BAZ1A: variants seen among roughly 807,000 people sequenced by gnomAD.
BAZ1A encodes the protein bromodomain adjacent to zinc finger domain 1A.
A neutral mutation model predicts 185.2 loss-of-function variants in BAZ1A; 50 were observed. The ratio of observed to expected loss-of-function variants is 0.27; its 90% confidence interval spans 0.22 to 0.34. The LOEUF is 0.34. BAZ1A is among the 10% of genes least tolerant of loss of function. BAZ1A has a pLI of 1.00. For missense variants in BAZ1A, 1,356 were observed against 1,839.9 expected, an observed-to-expected ratio of 0.74 and a Z score of 4.81; for synonymous variants, 571 against 615.6, an observed-to-expected ratio of 0.93 and a Z score of 1.07.
At chr14:34,856,201 C>T (rs2042674144) in intron 3 of BAZ1A, among the ~76,000 whole-genome samples, 1 of 151,926 alleles carries the variant, frequency 6.6e-6, no homozygotes, top group South Asian at 2.1e-4. Flanking sequence ...CCACACTGAA[C>T]TTGGATGCTC....
chr14:34,857,308 T>G (rs778865520), intron 3 of BAZ1A, among the ~76,000 whole-genome samples: 5 of 152,098 alleles, frequency 3.3e-5, no homozygotes, highest in African/African-American at 4.8e-5. Context: ...GCACCCAGTC[T>G]CTTCTTCATT....
At chr14:34,811,970 GTATT>G (rs1220540927) in intron 4 of BAZ1A, among the ~76,000 whole-genome samples, 1 of 151,920 alleles carries the variant, frequency 6.6e-6, no homozygotes, top group East Asian at 1.9e-4. Context: ...CCCTTTGAGG[GTATT>G]TATTTATTTA....
chr14:34,854,256 G>A (rs1329158064), intron 3 of BAZ1A, among the ~76,000 whole-genome samples: 1 of 151,770 alleles, frequency 6.6e-6, no homozygotes, highest in Non-Finnish European at 1.5e-5. Flanking sequence ...GCAACTCCCT[G>A]TCTAAAAATA....
Position 34,786,110 on chromosome 14 carries a change from C to A in BAZ1A, c.1606+16G>T, listed in dbSNP as rs769962256. 14 of 1,569,862 alleles carry A rather than the reference C, an allele frequency of 8.9e-6. No individual in the cohort carries two copies. The highest frequency in any genetic ancestry group is 5.6e-5 in the African/African-American group (4 of 71,882). ...AATAAAAAGCCAAACAAAAAAAAAA[C>A]AAAACCCACACATACCCTGGTGTAA... is the stretch of plus-strand genomic sequence containing the variant. On this transcript the variant is annotated intron_variant, in intron 13 of 26. Coordinates refer to ENST00000360310, the MANE Select transcript of BAZ1A (RefSeq NM_013448.3).
chr14:34,756,995 T>G (rs1886278175), intron 25 of BAZ1A, among the ~76,000 whole-genome samples: 1 of 152,200 alleles, frequency 6.6e-6, no homozygotes, highest in South Asian at 2.1e-4. Flanking sequence ...TTAATGGTAC[T>G]CAATTAACTC....
intron 4 of BAZ1A, among the ~76,000 whole-genome samples, chr14:34,813,006 C>T (rs2041950970): frequency 6.6e-6 from 1 of 152,038 alleles, no homozygotes; most frequent in African/African-American, 2.4e-5. Context: ...ATTTCACAAC[C>T]TACGTGGGGC....
At chr14:34,871,446 T>C (rs2042946961) in intron 2 of BAZ1A, among the ~76,000 whole-genome samples, 1 of 152,230 alleles carries the variant, frequency 6.6e-6, no homozygotes, top group Non-Finnish European at 1.5e-5. Context: ...TCTTTACCTA[T>C]GAAAAAGCAG....
At chr14:34,753,748 A>G in intron 26 of BAZ1A, 44 bp from the exon 27 acceptor site, 1 of 1,372,964 alleles carries the variant, frequency 7.3e-7, no homozygotes, top group Non-Finnish European at 9.7e-7. Context: ...AAAGTACATA[A>G]ATTATAATAA....
At chr14:34,785,045 G>A (rs569077817) in intron 14 of BAZ1A, among the ~76,000 whole-genome samples, 3 of 152,084 alleles carry the variant, frequency 2.0e-5, no homozygotes, top group South Asian at 2.1e-4. Context: ...TAGTAAAGAT[G>A]GTGTTTCACC....
chr14:34,795,883 G>A, intron 9 of BAZ1A, 118 bp from the exon 10 acceptor site: 1 of 692,352 alleles, frequency 1.4e-6, no homozygotes, highest in Non-Finnish European at 2.4e-6. Flanking sequence ...ACCTACTGAA[G>A]CAGTAACTCT....
At chr14:34,829,179 T>C (rs1279347779) in intron 3 of BAZ1A, among the ~76,000 whole-genome samples, 1 of 150,476 alleles carries the variant, frequency 6.6e-6, no homozygotes, top group South Asian at 2.1e-4. Context: ...GGCACAAGAA[T>C]TGCTTGAACC....
rs185605661 is a variant in BAZ1A, at chr14:34,823,616, G to A, written c.536+2397C>T. ...TGGGGGGTTCCAGTGAGCCAAGATCGTGCCATTGTACTCCAGCCTGGGCAA... is the reference window on the plus strand; with the variant it reads ...TGGGGGGTTCCAGTGAGCCAAGATCATGCCATTGTACTCCAGCCTGGGCAA... On this transcript the variant is annotated intron_variant, in intron 4 of 26. Transcript: ENST00000360310. 1.9e-4 allele frequency among the ~76,000 whole-genome samples: 29 copies of A among 152,038 alleles called. No individual in the cohort carries two copies. In the East Asian group the frequency reaches 4.4e-3, roughly 23 times the overall value.
At chr14:34,796,547 G>C (rs2138644086) in intron 9 of BAZ1A, among the ~76,000 whole-genome samples, 1 of 152,232 alleles carries the variant, frequency 6.6e-6, no homozygotes, top group African/African-American at 2.4e-5. Flanking sequence ...AGAATAGATG[G>C]ACTTATTTCT....
intron 11 of BAZ1A, among the ~76,000 whole-genome samples, chr14:34,793,971 A>G (rs1367674142): frequency 1.3e-5 from 2 of 151,942 alleles, no homozygotes; most frequent in African/African-American, 2.4e-5. Flanking sequence ...AAAGAAAAAA[A>G]AAAGAAAAAA....
chr14:34,784,739 CG>C (rs1252195016), intron 14 of BAZ1A, among the ~76,000 whole-genome samples: 2 of 151,820 alleles, frequency 1.3e-5, no homozygotes, highest in Non-Finnish European at 2.9e-5. Context: ...AGGGTGGTCT[CG>C]ATCTCCTGAC....
chr14:34,863,643 A>T (rs572840541), intron 2 of BAZ1A, among the ~76,000 whole-genome samples: 50 of 152,212 alleles, frequency 3.3e-4, no homozygotes, highest in African/African-American at 1.2e-3. Flanking sequence ...GATCTATATC[A>T]CAGAAAGATT....
At chr14:34,840,335 A>T (rs1412786537) in intron 3 of BAZ1A, among the ~76,000 whole-genome samples, 1 of 152,164 alleles carries the variant, frequency 6.6e-6, no homozygotes, top group Non-Finnish European at 1.5e-5. Context: ...GAAGCATTAT[A>T]CCGGTGTTTT....
chr14:34,783,691 T>C (rs1293083772), intron 15 of BAZ1A, 71 bp downstream of exon 15: 2 of 1,539,208 alleles, frequency 1.3e-6, no homozygotes, highest in South Asian at 1.3e-5. Flanking sequence ...TATAGCACCA[T>C]GTGAAATATG....
At chr14:34,855,035 C>T (rs1022731114) in intron 3 of BAZ1A, among the ~76,000 whole-genome samples, 3 of 152,022 alleles carry the variant, frequency 2.0e-5, no homozygotes, top group African/African-American at 4.8e-5. Context: ...GCTGAGATCG[C>T]GCCACTGCAC....
Sources: allele counts gnomAD v4.1 joint callset (sites outside exome capture counted in the v4.1 genomes callset), GRCh38; gene constraint gnomAD v4.1.1; transcripts MANE v1.5; gene names NCBI Gene and HGNC (gene_info 2026-07-23, HGNC 2026-07-21).